Variants in SCARB2 observed in about 807,000 individuals in gnomAD.
The protein encoded by SCARB2 is lysosome membrane protein 2.
A neutral mutation model predicts 58.6 loss-of-function variants in SCARB2; 29 were observed. The observed-to-expected ratio is 0.49, with a 90% CI of 0.37 to 0.67. The LOEUF is 0.67. Ranked by LOEUF, SCARB2 falls within the 30% of genes least tolerant of loss-of-function variation. SCARB2 has a pLI of 0.00. For missense variants in SCARB2, 488 were observed against 578.5 expected (o/e 0.84, Z 1.60); for synonymous variants, 195 against 210.1 (o/e 0.93, Z 0.62).
intron 1 of SCARB2, among the ~76,000 whole-genome samples, chr4:76,211,492 T>G (rs146284265): frequency 9.7e-4 from 148 of 152,394 alleles, no homozygotes; most frequent in Admixed American, 3.8e-3. Context: ...TATTAAGCAC[T>G]AACTATATCC....
rs1415803011 is a variant in SCARB2, at chr4:76,161,597, G to A, written c.*116C>T. On this transcript the variant is annotated 3_prime_UTR_variant, in exon 12 of 12. Transcript: ENST00000264896. Reference sequence around the variant, plus strand: ...AATGTTCCTATCACTTGCCAGCGCCGTGTCTTTTTCCTTCTTTCAACAGGC... The same window carrying A: ...AATGTTCCTATCACTTGCCAGCGCCATGTCTTTTTCCTTCTTTCAACAGGC... 20 of 1,079,394 alleles carry A rather than the reference G, an allele frequency of 1.9e-5. No individual in the cohort carries two copies. The highest frequency in any genetic ancestry group is 2.0e-4 in the Middle Eastern group (1 of 5,046). 66.9% of individuals were successfully genotyped at this position (1,079,394 alleles called of 1,614,324 possible). A position where few individuals can be genotyped will look rare whatever the true frequency, so the allele number is the denominator to read the frequency against.
upstream of SCARB2, among the ~76,000 whole-genome samples, chr4:76,216,786 G>T (rs750970305): frequency 1.4e-4 from 22 of 152,176 alleles, no homozygotes; most frequent in Non-Finnish European, 2.9e-4. Context: ...TAACACAGCT[G>T]ACCAGGCTAG....
At chr4:76,203,574 A>G (rs1348164391) in intron 1 of SCARB2, among the ~76,000 whole-genome samples, 1 of 152,230 alleles carries the variant, frequency 6.6e-6, no homozygotes, top group Non-Finnish European at 1.5e-5. Context: ...AACAAAAGTA[A>G]AAGAATCTTC....
upstream of SCARB2, among the ~76,000 whole-genome samples, chr4:76,216,689 T>C (rs926945113): frequency 6.6e-6 from 1 of 152,224 alleles, no homozygotes; most frequent in Non-Finnish European, 1.5e-5. Context: ...GATCTCACTC[T>C]GTTTCCACTA....
chr4:76,217,712 G>A (rs759014095), upstream of SCARB2: 29 of 550,978 alleles, frequency 5.3e-5, no homozygotes, highest in Middle Eastern at 2.7e-4. Flanking sequence ...AACACAAACA[G>A]ACAAGGGCGG....
At position 76,168,408 on chromosome 4, in the gene SCARB2, G is replaced by A; in HGVS notation, c.1182C>T (p.Asp394=). 6.2e-7 allele frequency: 1 copy of A among 1,613,698 alleles called. No homozygotes were observed. The highest frequency in any genetic ancestry group is 8.5e-7 in the Non-Finnish European group (1 of 1,179,628). Residue 394 remains aspartate (D), a synonymous_variant, in exon 9 of 12, where the codon GAC becomes GAT. Transcript: ENST00000264896. ...QINIYVKKLD[D]FVETGDIRTM... is the part of the protein sequence containing the mutation. The stretch of plus-strand genomic sequence containing the variant: ...TAGAAAGAAGCAAAACTTACACAAA[G>A]TCATCTAATTTTTTGACATAAATGT...
At chr4:76,177,549 A>G (rs1732278124) in intron 4 of SCARB2, among the ~76,000 whole-genome samples, 1 of 152,218 alleles carries the variant, frequency 6.6e-6, no homozygotes, top group Admixed American at 6.5e-5. Context: ...TATATACCCA[A>G]TGTTCATATA....
Position 76,169,932 on chromosome 4 carries a change from C to A in SCARB2, c.1048G>T (p.Val350Phe), listed in dbSNP as rs1252160162. The A allele has an allele frequency of 1.2e-6, 2 of 1,614,084 alleles. No individual in the cohort carries two copies. The highest frequency in any genetic ancestry group is 2.2e-5 in the East Asian group (1 of 44,862). ...PHFYQADERFVSAIEGMHPNQ... is the reference protein window; with the variant it reads ...PHFYQADERFFSAIEGMHPNQ... ...GGGTGCATGCCTTCTATGGCAGAAA[C>A]AAACCTCTCATCTGCTTGGTAAAAG... Residue 350 changes from valine to phenylalanine, a missense_variant, in exon 8 of 12, where the codon GTT becomes TTT. Physicochemically the swap from Val to Phe is conservative, Grantham distance 50. Transcript: ENST00000264896.
intron 1 of SCARB2, among the ~76,000 whole-genome samples, chr4:76,201,148 T>C (rs1325806968): frequency 2.0e-5 from 3 of 152,266 alleles, no homozygotes; most frequent in Middle Eastern, 3.4e-3. Flanking sequence ...ACACAAGTTC[T>C]CAGCCAGTGC....
chr4:76,189,978 T>A (rs1366447868), intron 2 of SCARB2, among the ~76,000 whole-genome samples: 1 of 151,862 alleles, frequency 6.6e-6, no homozygotes, highest in East Asian at 1.9e-4. Context: ...ACATACCACT[T>A]TACAAGTGCT....
At chr4:76,196,346 C>T (rs1275353251) in intron 1 of SCARB2, among the ~76,000 whole-genome samples, 2 of 152,172 alleles carry the variant, frequency 1.3e-5, no homozygotes, top group South Asian at 2.1e-4. Flanking sequence ...GAGCAAGACT[C>T]TGTCTCAAAA....
rs1480481844 is a variant in SCARB2, at chr4:76,161,720, C to T, written c.1430G>A (p.Arg477Gln). Residue 477 changes from arginine (R) to glutamine (Q), a missense_variant, in exon 12 of 12, where the codon CGA (arginine) becomes CAA (glutamine). Transcript: ENST00000264896. The stretch of plus-strand genomic sequence containing the variant: ...ACCAAGCAAAGGCAATGTTTAGGTT[C>T]GAATGAGGGGTGCTCTTTCATCCGC... ...GTADERAPLI[R>Q]T The T allele has an allele frequency of 7.4e-6, 12 of 1,614,096 alleles. No homozygotes were observed. Among genetic ancestry groups the T allele is most frequent in the East Asian group, 2.2e-5 (1 of 44,864 alleles).
intron 10 of SCARB2, 101 bp from the exon 11 acceptor site, chr4:76,163,484 T>A (rs1233247999): frequency 7.7e-7 from 1 of 1,290,634 alleles, no homozygotes; most frequent in African/African-American, 1.5e-5. Context: ...GGGAATGTCC[T>A]CCTGTTAGCA....
rs6532232 is a variant in SCARB2, at chr4:76,176,605, T to C, written c.613-77A>G. On this transcript the variant is annotated intron_variant, in intron 4 of 11. Transcript: ENST00000264896. ...AACTTGGCTAGACTATGGTGCCCAG[T>C]TGTTTGGTCAAACACTAGCCCAGAT... The C allele has an allele frequency of 0.17, 167,940 of 989,974 alleles. 17,217 individuals are homozygous for C. The highest frequency in any genetic ancestry group is 0.39 in the African/African-American group (24,302 of 62,566). The allele number at this position is 989,974 out of a possible 1,614,324, so 61.3% of individuals were successfully genotyped here.
exon 1 of SCARB2, chr4:76,234,454 A>C (rs1317230527): frequency 6.6e-6 from 1 of 152,266 alleles, no homozygotes; most frequent in Non-Finnish European, 1.5e-5. Flanking sequence ...GAAAAGGAAG[A>C]AAAGGAAGAA....
At position 76,163,374 on chromosome 4, in the gene SCARB2, T is replaced by A; in HGVS notation, c.1249A>T (p.Ile417Phe). The A allele has an allele frequency of 2.5e-6, 4 of 1,614,218 alleles. No homozygotes were observed. In the South Asian group the frequency reaches 3.3e-5, roughly 13 times the overall value. ...AGTCGACTCGCCGTCTCTTTATCAA[T>A]GTGAACACTCTGGAGAGGCAAGAAA... ...PVMYLNESVHIDKETASRLKS... is the reference protein window; with the variant it reads ...PVMYLNESVHFDKETASRLKS... The change falls in exon 11 of 12, where the codon ATT becomes TTT. Residue 417 changes from isoleucine (I) to phenylalanine (F), a missense_variant. Physicochemically the swap from Ile to Phe is conservative, Grantham distance 21. Transcript: ENST00000264896.
At chr4:76,168,117 T>C (rs1024347667) in intron 9 of SCARB2, among the ~76,000 whole-genome samples, 1 of 152,242 alleles carries the variant, frequency 6.6e-6, no homozygotes, top group African/African-American at 2.4e-5. Flanking sequence ...TCTGCTTCTG[T>C]TTCCTCATCT....
At chr4:76,166,720 T>G (rs1732016644) in intron 9 of SCARB2, 1 of 256,120 alleles carries the variant, frequency 3.9e-6, no homozygotes. Flanking sequence ...TCTCATTCAA[T>G]TCCTAGAGTA....
At chr4:76,176,582 C>T in intron 4 of SCARB2, 54 bp from the exon 5 acceptor site, 1 of 1,253,188 alleles carries the variant, frequency 8.0e-7, no homozygotes, top group East Asian at 2.3e-5. Flanking sequence ...TTTATGACAA[C>T]TTGGCTAGAC....
Sources: allele counts gnomAD v4.1 joint callset (sites outside exome capture counted in the v4.1 genomes callset), GRCh38; gene constraint gnomAD v4.1.1; transcripts MANE v1.5; gene names NCBI Gene and HGNC (gene_info 2026-07-23, HGNC 2026-07-21).